FXR1: variants seen among roughly 807,000 people sequenced by gnomAD.
The protein encoded by FXR1 is RNA-binding protein FXR1.
In FXR1, 15 loss-of-function variants were observed where a neutral mutation model predicts 84.0. The observed-to-expected ratio is 0.18, with a 90% CI of 0.12 to 0.27. FXR1 has a LOEUF of 0.27. FXR1 is among the 10% of genes least tolerant of loss of function. FXR1 has a pLI of 1.00. For missense variants in FXR1, 480 were observed against 774.4 expected, an observed-to-expected ratio of 0.62 and a Z score of 4.51; for synonymous variants, 245 against 250.7, an observed-to-expected ratio of 0.98 and a Z score of 0.21.
At chr3:180,942,457 C>A (rs936755266) in intron 3 of FXR1, among the ~76,000 whole-genome samples, 2 of 148,288 alleles carry the variant, frequency 1.3e-5, no homozygotes, top group Non-Finnish European at 3.0e-5. Flanking sequence ...ACTTTAGGAT[C>A]CAGATTGGAA....
chr3:180,975,673 A>G (rs894634984), intron 16 of FXR1, among the ~76,000 whole-genome samples: 2 of 152,214 alleles, frequency 1.3e-5, no homozygotes, highest in Admixed American at 1.3e-4. Context: ...TGCCTAATTC[A>G]GGAGCAATAG....
At chr3:180,927,237 A>C (rs528850870) in intron 1 of FXR1, among the ~76,000 whole-genome samples, 1 of 152,248 alleles carries the variant, frequency 6.6e-6, no homozygotes, top group African/African-American at 2.4e-5. Context: ...TAGTGAAAAG[A>C]GCTCAAGACA....
At chr3:180,915,505 A>G in intron 1 of FXR1, 1 of 1,501,162 alleles carries the variant, frequency 6.7e-7, no homozygotes. Context: ...TTTCCAATTT[A>G]GAAGATAATA....
chr3:180,931,633 A>T (rs1719910635), intron 1 of FXR1, among the ~76,000 whole-genome samples: 1 of 152,154 alleles, frequency 6.6e-6, no homozygotes, highest in African/African-American at 2.4e-5. Flanking sequence ...GTTGGAGCTG[A>T]AGAAGAGAAC....
chr3:180,913,491 C>A (rs1445531707), intron 1 of FXR1, among the ~76,000 whole-genome samples: 1 of 152,000 alleles, frequency 6.6e-6, no homozygotes, highest in African/African-American at 2.4e-5. Context: ...ATATCACTGC[C>A]CCTGTTTTTG....
intron 11 of FXR1, among the ~76,000 whole-genome samples, chr3:180,962,390 A>T (rs1021342700): frequency 7.2e-5 from 11 of 152,178 alleles, no homozygotes; most frequent in South Asian, 2.1e-4. Context: ...TAGACATCTA[A>T]CCTTTGCATC....
At chr3:180,949,082 G>C in intron 6 of FXR1, 145 bp from the exon 7 acceptor site, 1 of 684,196 alleles carries the variant, frequency 1.5e-6, no homozygotes, top group Non-Finnish European at 2.6e-6. Flanking sequence ...AGAAAGGAAA[G>C]TGTGATTACT....
chr3:180,926,992 T>C (rs116177999), intron 1 of FXR1, among the ~76,000 whole-genome samples: 40 of 152,238 alleles, frequency 2.6e-4, no homozygotes, highest in Non-Finnish European at 5.9e-4. Flanking sequence ...ACCTGATCTA[T>C]TGATCAGTAT....
intron 6 of FXR1, 136 bp from the exon 7 acceptor site, chr3:180,949,091 C>T: frequency 1.4e-6 from 1 of 704,458 alleles, no homozygotes; most frequent in East Asian, 2.5e-5. Flanking sequence ...AGTGTGATTA[C>T]TCAGAGTAGT....
intron 1 of FXR1, among the ~76,000 whole-genome samples, chr3:180,922,003 A>G (rs1416889990): frequency 2.6e-5 from 4 of 152,208 alleles, no homozygotes; most frequent in African/African-American, 9.7e-5. Context: ...ATTACTGTAT[A>G]AAAATAGGAT....
chr3:180,968,865 T>C (rs1577000473), intron 14 of FXR1, among the ~76,000 whole-genome samples: 1 of 152,182 alleles, frequency 6.6e-6, no homozygotes, highest in Non-Finnish European at 1.5e-5. Context: ...TGTAGGAGTT[T>C]CCAGAATATC....
chr3:180,948,590 G>C, intron 5 of FXR1, 95 bp downstream of exon 5: 2 of 1,050,066 alleles, frequency 1.9e-6, no homozygotes, highest in Non-Finnish European at 2.9e-6. Context: ...CAAACCTTCT[G>C]ATGGAAAATC....
At chr3:180,948,277 A>G in intron 4 of FXR1, 70 bp from the exon 5 acceptor site, 16 of 1,154,208 alleles carry the variant, frequency 1.4e-5, no homozygotes, top group Non-Finnish European at 1.9e-5. Flanking sequence ...GAGCAAGGTA[A>G]TTAGAACTTC....
chr3:180,949,271 C>T lies in FXR1; in HGVS notation c.558C>T (p.Asp186=). Residue 186 remains aspartate, a synonymous_variant, in exon 7 of 17, where the codon GAC becomes GAT. Transcript: ENST00000357559. ...TGAAGAGAGTAAACATCTTAAGTGA[C>T]ATGCATTTGCGAAGTATTCGTACGA... is the stretch of plus-strand genomic sequence containing the variant. ...ATVKRVNILS[D]MHLRSIRTKL... is the part of the protein sequence containing the mutation. The T allele has an allele frequency of 1.9e-6, 3 of 1,604,840 alleles. No homozygotes were observed. Among genetic ancestry groups the T allele is most frequent in the Non-Finnish European group, 2.6e-6 (3 of 1,171,592 alleles).
At chr3:180,931,526 G>C (rs1719898679) in intron 1 of FXR1, among the ~76,000 whole-genome samples, 1 of 152,076 alleles carries the variant, frequency 6.6e-6, no homozygotes, top group Non-Finnish European at 1.5e-5. Context: ...GCCTACCATA[G>C]CAATCTTCAA....
At chr3:180,969,107 CA>C (rs1206986068) in intron 14 of FXR1, among the ~76,000 whole-genome samples, 1 of 151,452 alleles carries the variant, frequency 6.6e-6, no homozygotes, top group Admixed American at 6.6e-5. Context: ...TGGAACAAAT[CA>C]GGGCAAAAAT....
At chr3:180,930,041 G>A (rs773142555) in intron 1 of FXR1, among the ~76,000 whole-genome samples, 1 of 152,204 alleles carries the variant, frequency 6.6e-6, no homozygotes, top group Non-Finnish European at 1.5e-5. Context: ...CAAGGTGGGC[G>A]GATCACGAGG....
intron 7 of FXR1, among the ~76,000 whole-genome samples, chr3:180,949,622 T>G (rs1465180150): frequency 6.6e-6 from 1 of 152,174 alleles, no homozygotes; most frequent in East Asian, 1.9e-4. Flanking sequence ...TGGGCTCAAG[T>G]GATTGCCCGC....
intron 10 of FXR1, among the ~76,000 whole-genome samples, chr3:180,958,956 C>T (rs549777887): frequency 1.9e-4 from 29 of 151,906 alleles, no homozygotes; most frequent in South Asian, 1.7e-3. Context: ...TACAGGTGTG[C>T]GCCATCACGC....
Sources: allele counts gnomAD v4.1 joint callset (sites outside exome capture counted in the v4.1 genomes callset), GRCh38; gene constraint gnomAD v4.1.1; transcripts MANE v1.5; gene names NCBI Gene and HGNC (gene_info 2026-07-23, HGNC 2026-07-21).